The following MPP3 variants were observed in gnomAD, a reference collection of about 807,000 sequenced individuals.
The protein encoded by MPP3 is MAGUK p55 subfamily member 3.
A neutral mutation model predicts 80.7 loss-of-function variants in MPP3; 48 were observed. That is an observed-to-expected ratio of 0.59 (90% CI 0.47 to 0.76). The LOEUF is 0.76. MPP3 is among the 30% of genes least tolerant of loss of function. MPP3 has a pLI of 0.00. For synonymous variants in MPP3, 311 were observed against 297.6 expected (o/e 1.04, Z -0.46); for missense variants, 620 against 763.0 (o/e 0.81, Z 2.21).
chr17:43,801,583 T>C lies in MPP3; in HGVS notation c.*118A>G, dbSNP rs1207483242. The C allele has an allele frequency of 2.0e-6, 2 of 1,006,910 alleles. No individual in the cohort carries two copies. The highest frequency in any genetic ancestry group is 1.5e-6 in the Non-Finnish European group (1 of 667,276). 62.4% of individuals were successfully genotyped at this position (1,006,910 alleles called of 1,614,324 possible). ...TTCCCACTTATACTCTTCTCGATGA[T>C]GGAATTTGTGGAGAATTCTCTCCCT... On this transcript the variant is annotated 3_prime_UTR_variant, in exon 20 of 20. Transcript: ENST00000398389.
intron 2 of MPP3, chr17:43,832,279 G>A: frequency 3.2e-6 from 1 of 317,018 alleles, no homozygotes. Flanking sequence ...TATTCAAGCA[G>A]GCTCTTCCAG....
chr17:43,818,141 G>A (rs373152856), intron 11 of MPP3, 31 bp from the exon 12 acceptor site: 21 of 1,467,432 alleles, frequency 1.4e-5, no homozygotes, highest in South Asian at 1.0e-4. Flanking sequence ...GGGCGGGCCC[G>A]TGAGCTGGGC....
intron 9 of MPP3, chr17:43,825,508 C>G (rs950890716): frequency 2.4e-6 from 1 of 413,954 alleles, no homozygotes; most frequent in African/African-American, 2.0e-5. Context: ...TGAAAGGGAA[C>G]CAGGGGAAGG....
In MPP3 at chr17:43,821,067, G is replaced by A; in HGVS notation, c.685-9C>T. ...AGGGCGCGCATGAACACCTGCACAA[G>A]GAGGGCTCTGGTGAGGCGGCCCTTC... On this transcript the variant is annotated splice_polypyrimidine_tract_variant and intron_variant, in intron 10 of 19. Coordinates refer to ENST00000398389, the MANE Select transcript of MPP3 (RefSeq NM_001932.6). The A allele has an allele frequency of 6.2e-7, 1 of 1,613,082 alleles. No individual in the cohort carries two copies. Among genetic ancestry groups the A allele is most frequent in the Non-Finnish European group, 8.5e-7 (1 of 1,179,742 alleles).
chr17:43,823,417 C>A (rs1030028668), intron 10 of MPP3, among the ~76,000 whole-genome samples: 1 of 152,178 alleles, frequency 6.6e-6, no homozygotes, highest in Non-Finnish European at 1.5e-5. Flanking sequence ...TTCTGTGACA[C>A]CCTCTAGGGT....
chr17:43,830,858 G>A (rs1364188330), intron 5 of MPP3, among the ~76,000 whole-genome samples: 1 of 152,254 alleles, frequency 6.6e-6, no homozygotes, highest in African/African-American at 2.4e-5. Flanking sequence ...GGGACACACT[G>A]TAGGTCCCTT....
In MPP3 at chr17:43,829,903, C is replaced by T. The variant is rs896142883; in HGVS notation, c.304-112G>A. 7.7e-6 allele frequency: 12 copies of T among 1,558,480 alleles called. No homozygotes were observed. The Admixed American group carries it at 2.0e-4, about 27-fold the overall frequency. The stretch of plus-strand genomic sequence containing the variant: ...AGACGCCATGCCAGAGAGACAACTG[C>T]CCAGACACTAGTGCTGAGGATCGCT... On this transcript the variant is annotated intron_variant, in intron 6 of 19. Transcript: ENST00000398389.
intron 19 of MPP3, among the ~76,000 whole-genome samples, chr17:43,806,141 A>C (rs1449582440): frequency 6.6e-6 from 1 of 151,488 alleles, no homozygotes; most frequent in Non-Finnish European, 1.5e-5. Flanking sequence ...ATATTCCTCC[A>C]ACACATGGCT....
intron 11 of MPP3, among the ~76,000 whole-genome samples, chr17:43,818,460 T>A (rs1236515558): frequency 1.3e-5 from 2 of 152,018 alleles, no homozygotes; most frequent in African/African-American, 2.4e-5. Context: ...AGCCTCCCCA[T>A]CTCTGAGGGA....
intron 7 of MPP3, 95 bp downstream of exon 7, chr17:43,829,559 T>G (rs979426872): frequency 1.0e-5 from 15 of 1,464,844 alleles, no homozygotes; most frequent in Non-Finnish European, 1.4e-5. Context: ...CGTCACTCAC[T>G]CTGAAGACTT....
intron 4 of MPP3, 56 bp from the exon 5 acceptor site, chr17:43,831,377 C>T (rs2045952458): frequency 5.1e-6 from 8 of 1,565,170 alleles, no homozygotes; most frequent in African/African-American, 4.1e-5. Context: ...CCACCCACGG[C>T]TGTGGGGACA....
At chr17:43,829,882 G>A (rs2045882189) in intron 6 of MPP3, 91 bp from the exon 7 acceptor site, 28 of 1,580,514 alleles carry the variant, frequency 1.8e-5, no homozygotes, top group Non-Finnish European at 2.2e-5. Context: ...GGTGGCAGAC[G>A]CCATGCCAGA....
At chr17:43,827,513 T>C (rs1772312479) in intron 8 of MPP3, among the ~76,000 whole-genome samples, 1 of 151,968 alleles carries the variant, frequency 6.6e-6, no homozygotes, top group Non-Finnish European at 1.5e-5. Flanking sequence ...CCTCGGCCTC[T>C]TAAAGTGCTG....
At chr17:43,825,883 C>A (rs2045673062) in intron 8 of MPP3, 42 bp from the exon 9 acceptor site, 2 of 1,241,808 alleles carry the variant, frequency 1.6e-6, no homozygotes. Flanking sequence ...GGAGGAGGAC[C>A]TGAGCACCCC....
chr17:43,831,574 G>T lies in MPP3; in HGVS notation c.129C>A (p.Leu43=), dbSNP rs1465336054. The change falls in exon 4 of 20, where the codon CTC becomes CTA. Residue 43 remains leucine (L), a synonymous_variant. Coordinates refer to ENST00000398389, the MANE Select transcript of MPP3 (RefSeq NM_001932.6). ...FLRDVFSEKS[L]SYLMKIHEKL... The stretch of plus-strand genomic sequence containing the variant: ...GGGACTTCACCTTCATTAAGTAACT[G>T]AGGCTTTTTTCACTGAAAACATCCC... The T allele has an allele frequency of 6.2e-7, 1 of 1,612,772 alleles. No homozygotes were observed. Among genetic ancestry groups the T allele is most frequent in the East Asian group, 2.2e-5 (1 of 44,878 alleles).
At chr17:43,827,718 G>T (rs2143113601) in intron 8 of MPP3, 33 bp downstream of exon 8, 1 of 1,603,874 alleles carries the variant, frequency 6.2e-7, no homozygotes, top group Admixed American at 1.7e-5. Context: ...GCCATGATCG[G>T]GGCTGGGCCA....
rs530129972 is a variant in MPP3, at chr17:43,811,026, G to A, written c.1349+86C>T. The A allele has an allele frequency of 1.4e-4, 197 of 1,456,266 alleles. 1 individual carries two copies. In the Admixed American group the frequency reaches 3.1e-3, roughly 23 times the overall value. 90.2% of individuals were successfully genotyped at this position (1,456,266 alleles called of 1,614,324 possible). On this transcript the variant is annotated intron_variant, in intron 17 of 19. Coordinates refer to ENST00000398389, the MANE Select transcript of MPP3 (RefSeq NM_001932.6). ...CTCTCCCGCTTCCCCCATCCTTTCCGGGAGTCCTCCCAGGAGCTCTAGTGG... is the reference window on the plus strand; with the variant it reads ...CTCTCCCGCTTCCCCCATCCTTTCCAGGAGTCCTCCCAGGAGCTCTAGTGG...
rs991984621 is a variant in MPP3 at position 43,830,192 on chromosome 17, A to C, written c.223-85T>G. On this transcript the variant is annotated intron_variant, in intron 5 of 19. Coordinates refer to ENST00000398389, the MANE Select transcript of MPP3 (RefSeq NM_001932.6). ...GGGTCCTTCCTCTTTGGAAGGGCCCACCCAGCTGCAGCCCCCAGGGGCACA... is the reference window on the plus strand; with the variant it reads ...GGGTCCTTCCTCTTTGGAAGGGCCCCCCCAGCTGCAGCCCCCAGGGGCACA... 11 of 978,044 alleles carry C rather than the reference A, an allele frequency of 1.1e-5. No individual in the cohort carries two copies. The Admixed American group carries it at 3.0e-4, about 26-fold the overall frequency. The allele number at this position is 978,044 out of a possible 1,614,324, so 60.6% of individuals were successfully genotyped here. A position where few individuals can be genotyped will look rare whatever the true frequency, so the allele number is the denominator to read the frequency against.
chr17:43,823,613 G>T (rs2045562516), intron 10 of MPP3, among the ~76,000 whole-genome samples: 1 of 152,184 alleles, frequency 6.6e-6, no homozygotes, highest in African/African-American at 2.4e-5. Context: ...ACAAATGGCA[G>T]TTGCTTAATT....
Sources: gnomAD v4.1 joint callset for allele counts (sites outside exome capture counted in the v4.1 genomes callset) on GRCh38, gnomAD v4.1.1 for gene constraint, MANE v1.5 for transcripts, NCBI Gene and HGNC (gene_info 2026-07-23, HGNC 2026-07-21) for gene names.